Variants in MED27 observed in about 807,000 individuals in gnomAD.
MED27 encodes the protein mediator of RNA polymerase II transcription subunit 27.
MED27 carries 30 observed loss-of-function variants against 38.2 expected under a neutral mutation model. That is an observed-to-expected ratio of 0.79 (90% CI 0.59 to 1.07). The LOEUF (loss-of-function observed/expected upper bound fraction) is 1.07, where lower values mean the gene tolerates loss of function less well. MED27 is among the 50% of genes least tolerant of loss of function. MED27 has a pLI of 0.00. For synonymous variants in MED27, 122 were observed against 153.5 expected (o/e 0.79, Z 1.52); for missense variants, 289 against 397.5 (o/e 0.73, Z 2.32).
chr9:131,895,490 C>T (rs776067938), intron 4 of MED27, among the ~76,000 whole-genome samples: 35 of 152,208 alleles, frequency 2.3e-4, no homozygotes, highest in South Asian at 6.2e-4. Context: ...TGATCATCCT[C>T]AACAACAACC....
chr9:131,862,961 C>A lies in MED27; in HGVS notation c.801+102G>T. The A allele has an allele frequency of 1.1e-6, 1 of 923,980 alleles. No homozygotes were observed. Among genetic ancestry groups the A allele is most frequent in the Non-Finnish European group, 1.7e-6 (1 of 590,622 alleles). The allele number at this position is 923,980 out of a possible 1,614,324, so 57.2% of individuals were successfully genotyped here. A position where few individuals can be genotyped will look rare whatever the true frequency, so the allele number is the denominator to read the frequency against. ...GGCAGCCCCATCTCCCACTGGGAGG[C>A]CCTCAAAGTCTGAAGATGCAACGGC... is the stretch of plus-strand genomic sequence containing the variant. On this transcript the variant is annotated intron_variant, in intron 7 of 7. Coordinates refer to ENST00000292035, the MANE Select transcript of MED27 (RefSeq NM_004269.4). This position sits in a 1 kb window ranked among gnomAD's most constrained non-coding sequence, Gnocchi z 4.6.
Position 131,867,651 on chromosome 9 carries a change from C to G in MED27, c.724-4511G>C, listed in dbSNP as rs186925400. 6.6e-5 allele frequency among the ~76,000 whole-genome samples: 10 copies of G among 152,384 alleles called. No homozygotes were observed. In the East Asian group the frequency reaches 1.2e-3, roughly 18 times the overall value. ...TGGGGACCAGCGGTGCTGGCACCAT[C>G]TAGGAGTTGGTTAGAAATCTGCCCT... On this transcript the variant is annotated intron_variant, in intron 6 of 7. Coordinates refer to ENST00000292035, the MANE Select transcript of MED27 (RefSeq NM_004269.4).
At chr9:131,979,283 C>T (rs1371247425) in intron 3 of MED27, among the ~76,000 whole-genome samples, 1 of 152,130 alleles carries the variant, frequency 6.6e-6, no homozygotes, top group Non-Finnish European at 1.5e-5. Flanking sequence ...TTTTAAAGAA[C>T]AGCATCAGCA....
chr9:131,936,587 A>T (rs1311472170), intron 4 of MED27, among the ~76,000 whole-genome samples: 1 of 152,256 alleles, frequency 6.6e-6, no homozygotes, highest in East Asian at 1.9e-4. Flanking sequence ...CCCAGGTTGT[A>T]TGCACAGGGA....
chr9:131,966,452 A>G (rs1364030360), intron 3 of MED27, among the ~76,000 whole-genome samples: 2 of 151,054 alleles, frequency 1.3e-5, no homozygotes, highest in Non-Finnish European at 2.9e-5. Flanking sequence ...ATGGTCCCTA[A>G]ACTCAAGATT....
intron 5 of MED27, among the ~76,000 whole-genome samples, chr9:131,884,481 C>T (rs762457830): frequency 6.6e-6 from 1 of 152,152 alleles, no homozygotes; most frequent in Non-Finnish European, 1.5e-5. Flanking sequence ...ATTGTTTTTC[C>T]CATAAACCCC....
chr9:131,894,098 A>G (rs1283896252), intron 4 of MED27, 106 bp from the exon 5 acceptor site: 1 of 763,698 alleles, frequency 1.3e-6, no homozygotes, highest in African/African-American at 1.7e-5. Flanking sequence ...GACTGGATTC[A>G]TGGTGCTGGC....
intron 2 of MED27, among the ~76,000 whole-genome samples, chr9:132,053,307 C>A (rs537904920): frequency 6.6e-6 from 1 of 151,440 alleles, no homozygotes; most frequent in Admixed American, 6.6e-5. Context: ...GTGAGTTAGG[C>A]TGGCTGCTGA....
chr9:131,909,550 C>T (rs1381054912), intron 4 of MED27, among the ~76,000 whole-genome samples: 1 of 152,238 alleles, frequency 6.6e-6, no homozygotes, highest in South Asian at 2.1e-4. Context: ...CTGCCGCTTG[C>T]ATTAGAAGGG....
intron 6 of MED27, among the ~76,000 whole-genome samples, chr9:131,865,334 A>T (rs888118942): frequency 1.3e-5 from 2 of 152,144 alleles, no homozygotes; most frequent in Non-Finnish European, 2.9e-5. Context: ...ACTGGTGGTA[A>T]TTGGCGGGGG....
At chr9:131,970,605 G>A (rs780757329) in intron 3 of MED27, among the ~76,000 whole-genome samples, 6 of 152,228 alleles carry the variant, frequency 3.9e-5, no homozygotes, top group Non-Finnish European at 8.8e-5. Context: ...ACAACTAACT[G>A]CTGCTTTGAA....
At chr9:132,070,021 T>G (rs1402421174) in intron 2 of MED27, among the ~76,000 whole-genome samples, 1 of 152,192 alleles carries the variant, frequency 6.6e-6, no homozygotes, top group East Asian at 1.9e-4. Flanking sequence ...CTCAATGCCT[T>G]AGTCCCCACG....
chr9:131,977,488 A>T (rs1831634600), intron 3 of MED27, among the ~76,000 whole-genome samples: 1 of 152,026 alleles, frequency 6.6e-6, no homozygotes, highest in South Asian at 2.1e-4. Context: ...ATCTGATTTG[A>T]TTTCTCCAAC....
At chr9:132,041,849 A>G (rs1054214754) in intron 2 of MED27, among the ~76,000 whole-genome samples, 17 of 152,250 alleles carry the variant, frequency 1.1e-4, no homozygotes, top group African/African-American at 4.1e-4. Context: ...CTTCTTCTCA[A>G]GAATGCAAAT....
chr9:132,004,824 C>A (rs1034298816), intron 3 of MED27, among the ~76,000 whole-genome samples: 1 of 152,174 alleles, frequency 6.6e-6, no homozygotes, highest in Non-Finnish European at 1.5e-5. Flanking sequence ...GCCTCATCAG[C>A]CAGGTGAGCA....
chr9:132,029,734 T>C (rs1280272190), intron 2 of MED27, among the ~76,000 whole-genome samples: 1 of 152,148 alleles, frequency 6.6e-6, no homozygotes, highest in African/African-American at 2.4e-5. Context: ...ATAATGTATA[T>C]TTGAACAAGC....
chr9:131,922,253 C>T (rs1830406296), intron 4 of MED27, among the ~76,000 whole-genome samples: 1 of 151,642 alleles, frequency 6.6e-6, no homozygotes, highest in Non-Finnish European at 1.5e-5. Context: ...AAGAAATGAG[C>T]AATATACCGT....
chr9:132,047,225 G>A (rs573733515), intron 2 of MED27, among the ~76,000 whole-genome samples: 2 of 152,174 alleles, frequency 1.3e-5, no homozygotes, highest in South Asian at 4.2e-4. Flanking sequence ...ATGTGAACGT[G>A]TATTCAGCAG....
chr9:132,049,416 C>T (rs947159838), intron 2 of MED27, among the ~76,000 whole-genome samples: 3 of 152,164 alleles, frequency 2.0e-5, no homozygotes, highest in Non-Finnish European at 4.4e-5. Flanking sequence ...GCAAAAACTT[C>T]AGTATTCCTG....
Sources: gnomAD v4.1 joint callset for allele counts (sites outside exome capture counted in the v4.1 genomes callset) on GRCh38, gnomAD v4.1.1 for gene constraint, Gnocchi (gnomAD v3.1) non-coding constraint, MANE v1.5 for transcripts, NCBI Gene and HGNC (gene_info 2026-07-23, HGNC 2026-07-21) for gene names.